Variants in ACOX3 observed in about 807,000 individuals in gnomAD.
ACOX3 encodes acyl-CoA oxidase 3, pristanoyl.
In ACOX3, 73 loss-of-function variants were observed where a neutral mutation model predicts 81.5. That is an observed-to-expected ratio of 0.90 (90% CI 0.74 to 1.09). The LOEUF (loss-of-function observed/expected upper bound fraction) is 1.09, where lower values mean the gene tolerates loss of function less well. Ranked by LOEUF, ACOX3 falls within the 50% of genes least tolerant of loss-of-function variation. ACOX3 has a pLI of 0.00. For missense variants in ACOX3, 947 were observed against 928.0 expected, an observed-to-expected ratio of 1.02 and a Z score of -0.27; for synonymous variants, 387 against 375.1, an observed-to-expected ratio of 1.03 and a Z score of -0.37.
rs1421770432 is a variant in ACOX3, at chr4:8,431,937, C to G, written c.-15+8711G>C. ...ATTTGTCTCCATTTATCCCTTCTGT[C>G]TTTCCCACCACCACCTCCTTGGCTG... On this transcript the variant is annotated intron_variant, in intron 1 of 17. Coordinates refer to ENST00000356406, the MANE Select transcript of ACOX3 (RefSeq NM_003501.3). This position sits in a 1 kb window ranked among gnomAD's most constrained non-coding sequence, Gnocchi z 5.3. Among the ~76,000 whole-genome samples, 1 of 152,264 alleles carries G rather than the reference C, an allele frequency of 6.6e-6. No individual in the cohort carries two copies. Among genetic ancestry groups the G allele is most frequent in the Non-Finnish European group, 1.5e-5 (1 of 68,044 alleles).
At chr4:8,401,653 C>T (rs538837587) in intron 7 of ACOX3, among the ~76,000 whole-genome samples, 1 of 152,196 alleles carries the variant, frequency 6.6e-6, no homozygotes, top group Non-Finnish European at 1.5e-5. Flanking sequence ...TGTGGAGGAT[C>T]CCCCCAAGCT....
chr4:8,415,960 C>T lies in ACOX3; in HGVS notation c.184G>A (p.Ala62Thr), dbSNP rs574767480. The T allele has an allele frequency of 1.4e-5, 22 of 1,613,978 alleles. No homozygotes were observed. Among genetic ancestry groups the T allele is most frequent in the Middle Eastern group, 1.6e-4 (1 of 6,084 alleles). ...FSALENDPLF[A>T]RSPGADLSLE... ...GACAGATCGGCTCCAGGGGAACGAG[C>T]GAAAAGAGGGTCATTCTCAAGAGCT... is the stretch of plus-strand genomic sequence containing the variant. Residue 62 changes from alanine (A) to threonine (T), a missense_variant, in exon 3 of 18, where the codon GCT (alanine) becomes ACT (threonine). Coordinates refer to ENST00000356406, the MANE Select transcript of ACOX3 (RefSeq NM_003501.3).
intron 3 of ACOX3, 52 bp downstream of exon 3, chr4:8,415,714 G>A: frequency 2.6e-6 from 4 of 1,540,550 alleles, no homozygotes; most frequent in Non-Finnish European, 3.6e-6. Context: ...CATCCCTCAA[G>A]GCTCAGCGCA....
In ACOX3 at chr4:8,416,247, G is replaced by T. The variant is rs1355420060; in HGVS notation, c.144+131C>A. 45 of 1,464,996 alleles carry T rather than the reference G, an allele frequency of 3.1e-5. No homozygotes were observed. The highest frequency in any genetic ancestry group is 3.6e-5 in the Non-Finnish European group (38 of 1,055,470). 90.7% of individuals were successfully genotyped at this position (1,464,996 alleles called of 1,614,324 possible). ...GGCCTGTCCTGGGGTGCAGAGAGGAGAGAGGCCGCGCTGCCTGGGATGAGC... is the reference window on the plus strand; with the variant it reads ...GGCCTGTCCTGGGGTGCAGAGAGGATAGAGGCCGCGCTGCCTGGGATGAGC... On this transcript the variant is annotated intron_variant, in intron 2 of 17. Transcript: ENST00000356406. This position sits in a 1 kb window ranked among gnomAD's most constrained non-coding sequence, Gnocchi z 4.2.
chr4:8,413,381 C>T (rs1337113282), intron 5 of ACOX3, among the ~76,000 whole-genome samples: 7 of 142,110 alleles, frequency 4.9e-5, no homozygotes, highest in Non-Finnish European at 9.2e-5. Flanking sequence ...CACCCCTGTG[C>T]CCCTCCACAG....
At chr4:8,388,971 G>A (rs1489298323) in intron 13 of ACOX3, among the ~76,000 whole-genome samples, 1 of 152,210 alleles carries the variant, frequency 6.6e-6, no homozygotes, top group African/African-American at 2.4e-5. Flanking sequence ...CAATTCATCT[G>A]TGGAGTCAGC....
At position 8,399,059 on chromosome 4, in the gene ACOX3, G is replaced by A. The variant is rs565630624; in HGVS notation, c.873+497C>T. Among the ~76,000 whole-genome samples the A allele has an allele frequency of 5.9e-5, 9 of 152,230 alleles. No homozygotes were observed. In the South Asian group the frequency reaches 1.9e-3, roughly 32 times the overall value. On this transcript the variant is annotated intron_variant, in intron 8 of 17. Coordinates refer to ENST00000356406, the MANE Select transcript of ACOX3 (RefSeq NM_003501.3). The surrounding 1 kb of genome is among the most constrained non-coding windows in gnomAD (Gnocchi z 4.9). Reference sequence around the variant, plus strand: ...GCTGCTGGGGACTGTTATTCCAAGGGTGCATGCTCGGGGTGGCCCACCTGC... The same window carrying A: ...GCTGCTGGGGACTGTTATTCCAAGGATGCATGCTCGGGGTGGCCCACCTGC...
In ACOX3 at chr4:8,400,876, C is replaced by T. The variant is rs763195788; in HGVS notation, c.777-1224G>A. Among the ~76,000 whole-genome samples, 2 of 152,062 alleles carry T rather than the reference C, an allele frequency of 1.3e-5. No homozygotes were observed. The highest frequency in any genetic ancestry group is 2.4e-5 in the African/African-American group (1 of 41,374). ...ATTCAAGCACATTATATTTATTGTG[C>T]ACTTTATTTCTATTATTATTACATG... On this transcript the variant is annotated intron_variant, in intron 7 of 17. Coordinates refer to ENST00000356406, the MANE Select transcript of ACOX3 (RefSeq NM_003501.3). This position sits in a 1 kb window ranked among gnomAD's most constrained non-coding sequence, Gnocchi z 4.4.
At position 8,389,360 on chromosome 4, in the gene ACOX3, C is replaced by G. The variant is rs866122970; in HGVS notation, c.1424-74G>C. The G allele has an allele frequency of 1.2e-5, 17 of 1,465,114 alleles. No individual in the cohort carries two copies. The highest frequency in any genetic ancestry group is 1.7e-4 in the Middle Eastern group (1 of 5,788). 90.8% of individuals were successfully genotyped at this position (1,465,114 alleles called of 1,614,324 possible). A position where few individuals can be genotyped will look rare whatever the true frequency, so the allele number is the denominator to read the frequency against. ...ATTGGGAACCCCAAGCTGGGGGCAC[C>G]CCAAAGCACAGAGAGTGTCCAGAGG... On this transcript the variant is annotated intron_variant, in intron 12 of 17. Transcript: ENST00000356406. This position sits in a 1 kb window ranked among gnomAD's most constrained non-coding sequence, Gnocchi z 5.3.
the ACOX3 span, chr4:8,356,502 G>A: frequency 2.2e-6 from 1 of 447,282 alleles, no homozygotes; most frequent in Non-Finnish European, 4.6e-6. Context: ...GAAAATGGCT[G>A]TGCCATCACT....
chr4:8,420,771 C>CT (rs1385451298), intron 1 of ACOX3, among the ~76,000 whole-genome samples: 1 of 152,202 alleles, frequency 6.6e-6, no homozygotes, highest in East Asian at 1.9e-4. Flanking sequence ...ATCGCCATCG[C>CT]AGACCCACCA....
In ACOX3 at chr4:8,406,877, T is replaced by C. The variant is rs1218755392; in HGVS notation, c.688-834A>G. Among the ~76,000 whole-genome samples, 1 of 152,214 alleles carries C rather than the reference T, an allele frequency of 6.6e-6. No homozygotes were observed. Among genetic ancestry groups the C allele is most frequent in the Admixed American group, 6.5e-5 (1 of 15,280 alleles). On this transcript the variant is annotated intron_variant, in intron 6 of 17. Coordinates refer to ENST00000356406, the MANE Select transcript of ACOX3 (RefSeq NM_003501.3). This position sits in a 1 kb window ranked among gnomAD's most constrained non-coding sequence, Gnocchi z 5.6. ...AAGCACGGCATCACAGGGAGACGGT[T>C]AGTCCTCCGGATAACTGCGGGCAAG... is the stretch of plus-strand genomic sequence containing the variant.
rs1719495949 is a variant in ACOX3, at chr4:8,394,796, C to T, written c.1057-54G>A. 3 of 1,579,240 alleles carry T rather than the reference C, an allele frequency of 1.9e-6. No homozygotes were observed. Among genetic ancestry groups the T allele is most frequent in the Non-Finnish European group, 2.6e-6 (3 of 1,159,622 alleles). ...ACATCGTGGTTCCCATGAAGGGCAG[C>T]CCATCCCAGGGACCATGAAAGCCAG... On this transcript the variant is annotated intron_variant, in intron 9 of 17. Transcript: ENST00000356406. This position sits in a 1 kb window ranked among gnomAD's most constrained non-coding sequence, Gnocchi z 5.9.
the ACOX3 span, among the ~76,000 whole-genome samples, chr4:8,358,994 T>C: frequency 5.6e-4 from 85 of 152,312 alleles, no homozygotes; most frequent in African/African-American, 1.9e-3. Flanking sequence ...TTGGGACCCC[T>C]TTCCTGTAAC....
intron 1 of ACOX3, among the ~76,000 whole-genome samples, chr4:8,429,939 G>GA (rs1355701389): frequency 6.6e-6 from 1 of 151,978 alleles, no homozygotes; most frequent in African/African-American, 2.4e-5. Context: ...AAAGCACAAG[G>GA]AAAACTAAAT....
intron 8 of ACOX3, among the ~76,000 whole-genome samples, chr4:8,398,312 C>A (rs1436349818): frequency 6.6e-6 from 1 of 152,118 alleles, no homozygotes; most frequent in Non-Finnish European, 1.5e-5. Flanking sequence ...CTGGAAGATT[C>A]TAGAATTTTC....
At chr4:8,391,281 T>C (rs977662290) in intron 11 of ACOX3, among the ~76,000 whole-genome samples, 9 of 151,766 alleles carry the variant, frequency 5.9e-5, no homozygotes, top group Non-Finnish European at 1.0e-4. Context: ...GTGGTGGGAG[T>C]GAGGGGCCAC....
In ACOX3 at chr4:8,389,587, C is replaced by A. The variant is rs757933599; in HGVS notation, c.1423+25G>T. 6 of 1,613,060 alleles carry A rather than the reference C, an allele frequency of 3.7e-6. No individual in the cohort carries two copies. The highest frequency in any genetic ancestry group is 2.2e-5 in the East Asian group (1 of 44,876). ...CTGCCCCAGTTGGGTTCCAGCGCCC[C>A]CACCAGTGTGCAGCAGAGCCTCACC... On this transcript the variant is annotated intron_variant, in intron 12 of 17. Transcript: ENST00000356406. This position sits in a 1 kb window ranked among gnomAD's most constrained non-coding sequence, Gnocchi z 5.3.
chr4:8,410,712 T>C (rs1055576015), intron 5 of ACOX3, among the ~76,000 whole-genome samples: 1 of 152,194 alleles, frequency 6.6e-6, no homozygotes, highest in African/African-American at 2.4e-5. Flanking sequence ...CGGGGCTGTC[T>C]GTGCCCTGTG....
Sources: gnomAD v4.1 joint callset for allele counts (sites outside exome capture counted in the v4.1 genomes callset) on GRCh38, gnomAD v4.1.1 for gene constraint, Gnocchi (gnomAD v3.1) non-coding constraint, MANE v1.5 for transcripts, NCBI Gene and HGNC (gene_info 2026-07-23, HGNC 2026-07-21) for gene names.